PDZD2: variants seen among roughly 807,000 people sequenced by gnomAD.
PDZD2 encodes PDZ domain containing 2, also known as PDZ domain-containing protein 2.
Under a neutral mutation model 220.7 loss-of-function variants are expected in PDZD2, and 90 were observed. The observed-to-expected ratio is 0.41, with a 90% CI of 0.34 to 0.49. The LOEUF is 0.49. Among genes scored for constraint, PDZD2 ranks in the 20% least tolerant of loss-of-function variants. The pLI is 0.28. For synonymous variants in PDZD2, 1,375 were observed against 1,450.5 expected, an observed-to-expected ratio of 0.95 and a Z score of 1.18; for missense variants, 3,174 against 3,608.5, an observed-to-expected ratio of 0.88 and a Z score of 3.08.
intron 1 of PDZD2, among the ~76,000 whole-genome samples, chr5:31,792,606 C>T (rs1003059100): frequency 9.2e-5 from 14 of 151,604 alleles, no homozygotes; most frequent in African/African-American, 2.2e-4. Flanking sequence ...TTAGTGGAGA[C>T]GGGGTTTCAC....
intron 2 of PDZD2, among the ~76,000 whole-genome samples, chr5:31,866,710 C>T (rs540269045): frequency 5.9e-5 from 9 of 152,292 alleles, no homozygotes; most frequent in East Asian, 1.9e-4. Context: ...TGGGACCCAA[C>T]GTTTTGGATT....
rs113949431 is a variant in PDZD2, at chr5:31,681,503, C to T, written c.-361+42066C>T. The stretch of plus-strand genomic sequence containing the variant: ...CCTCAAGTAATCCACCAACCTCGGC[C>T]TCTCAAAGTGCTAGGATTACAGGCG... On this transcript the variant is annotated intron_variant, in intron 1 of 24. Transcript: ENST00000438447. Among the ~76,000 whole-genome samples, 782 of 152,158 alleles carry T rather than the reference C, an allele frequency of 5.1e-3. 7 individuals are homozygous for T. The highest frequency in any genetic ancestry group is 0.018 in the African/African-American group (730 of 41,486).
chr5:32,108,249 A>AATC lies in PDZD2; in HGVS notation c.*115_*117dup, dbSNP rs1348529563. 9.5e-6 allele frequency: 6 copies of AATC among 632,884 alleles called. No individual in the cohort carries two copies. The Admixed American group carries it at 1.3e-4, about 14-fold the overall frequency. 39.2% of individuals were successfully genotyped at this position (632,884 alleles called of 1,614,324 possible). ...CACTGGTACAGACACGGACTATAAA[A>AATC]ATCTCCAAGCTTGTGCTTACACATG... On this transcript the variant is annotated 3_prime_UTR_variant, in exon 25 of 25. Coordinates refer to ENST00000438447, the MANE Select transcript of PDZD2 (RefSeq NM_178140.4).
At chr5:31,935,852 G>T (rs763450059) in intron 2 of PDZD2, among the ~76,000 whole-genome samples, 1 of 152,148 alleles carries the variant, frequency 6.6e-6, no homozygotes, top group Non-Finnish European at 1.5e-5. Context: ...GCTGTGGTCC[G>T]TGGCCAAGTG....
intron 2 of PDZD2, among the ~76,000 whole-genome samples, chr5:31,823,784 A>G (rs761040266): frequency 3.9e-4 from 60 of 152,244 alleles, no homozygotes; most frequent in Admixed American, 7.9e-4. Flanking sequence ...GGAAAAAAGC[A>G]TACACATTTC....
chr5:31,718,694 A>ATTTTTTTT (rs34261021), intron 1 of PDZD2, among the ~76,000 whole-genome samples: 10 of 74,616 alleles, frequency 1.3e-4, no homozygotes, highest in Admixed American at 1.8e-4. Context: ...TAACAGCCTC[A>ATTTTTTTT]TTTTTTTTTT....
At chr5:31,702,139 A>T (rs1446358041) in intron 1 of PDZD2, among the ~76,000 whole-genome samples, 1 of 152,172 alleles carries the variant, frequency 6.6e-6, no homozygotes, top group Non-Finnish European at 1.5e-5. Context: ...TTACTTTCTC[A>T]TGGGCTCATG....
chr5:31,782,800 G>A (rs1229660758), intron 1 of PDZD2, among the ~76,000 whole-genome samples: 1 of 138,392 alleles, frequency 7.2e-6, no homozygotes, highest in African/African-American at 2.8e-5. Flanking sequence ...CACAATCTCT[G>A]CCTCCCAGGT....
chr5:31,860,472 G>A (rs886185714), intron 2 of PDZD2, among the ~76,000 whole-genome samples: 1 of 152,126 alleles, frequency 6.6e-6, no homozygotes, highest in African/African-American at 2.4e-5. Context: ...CCTGTTCTCT[G>A]TATCTTTGAG....
At chr5:32,003,379 A>AC (rs1316188487) in intron 5 of PDZD2, among the ~76,000 whole-genome samples, 24 of 44,472 alleles carry the variant, frequency 5.4e-4, no homozygotes, top group South Asian at 1.1e-3. Flanking sequence ...CACACCACAC[A>AC]CACACCCACA....
chr5:31,777,665 G>A (rs1251337103), intron 1 of PDZD2, among the ~76,000 whole-genome samples: 6 of 152,192 alleles, frequency 3.9e-5, no homozygotes, highest in African/African-American at 1.4e-4. Context: ...TCTAGCTCAG[G>A]GTTTGTGGAT....
chr5:32,098,226 A>G lies in PDZD2; in HGVS notation c.7948-138A>G. On this transcript the variant is annotated intron_variant, in intron 22 of 24. Coordinates refer to ENST00000438447, the MANE Select transcript of PDZD2 (RefSeq NM_178140.4). The surrounding 1 kb of genome is among the most constrained non-coding windows in gnomAD (Gnocchi z 4.1). ...CACTGTACTCCAGCCTGGGTGACACAGCGAGACTCCCTCTCAAAAAATAAA... is the reference window on the plus strand; with the variant it reads ...CACTGTACTCCAGCCTGGGTGACACGGCGAGACTCCCTCTCAAAAAATAAA... The G allele has an allele frequency of 1.2e-6, 1 of 839,766 alleles. No homozygotes were observed. Among genetic ancestry groups the G allele is most frequent in the African/African-American group, 1.7e-5 (1 of 58,212 alleles). The allele number at this position is 839,766 out of a possible 1,614,324, so 52.0% of individuals were successfully genotyped here. A position where few individuals can be genotyped will look rare whatever the true frequency, so the allele number is the denominator to read the frequency against.
At chr5:31,709,751 T>G (rs1748001613) in intron 1 of PDZD2, among the ~76,000 whole-genome samples, 1 of 151,586 alleles carries the variant, frequency 6.6e-6, no homozygotes, top group Non-Finnish European at 1.5e-5. Context: ...AGGCCAGGAG[T>G]TCAAGACCAA....
intron 1 of PDZD2, among the ~76,000 whole-genome samples, chr5:31,698,460 G>A (rs1376653388): frequency 2.8e-4 from 42 of 151,020 alleles, no homozygotes; most frequent in Non-Finnish European, 4.3e-4. Flanking sequence ...TTAGCCAGGC[G>A]TGGTAGCGGG....
intron 2 of PDZD2, among the ~76,000 whole-genome samples, chr5:31,804,220 G>C (rs1754581563): frequency 6.6e-6 from 1 of 152,170 alleles, no homozygotes; most frequent in Non-Finnish European, 1.5e-5. Flanking sequence ...CCAGGTGAAA[G>C]AGGGTGTATC....
chr5:32,000,479 G>GTTTGTT lies in PDZD2; in HGVS notation c.1254+248_1254+253dup, dbSNP rs140415640. On this transcript the variant is annotated intron_variant, in intron 5 of 24. Coordinates refer to ENST00000438447, the MANE Select transcript of PDZD2 (RefSeq NM_178140.4). The surrounding 1 kb of genome is among the most constrained non-coding windows in gnomAD (Gnocchi z 4.5). The stretch of plus-strand genomic sequence containing the variant: ...TTAGTTACTTGGCTTTCCTTAAGAA[G>GTTTGTT]TTTGTTTTTGTTTTTGTTTTTGTTT... 0.044 allele frequency among the ~76,000 whole-genome samples: 6,587 copies of GTTTGTT among 150,294 alleles called. 484 individuals are homozygous for GTTTGTT. The highest frequency in any genetic ancestry group is 0.15 in the African/African-American group (6,154 of 40,688).
At chr5:31,822,458 T>C (rs975322515) in intron 2 of PDZD2, 11 of 389,464 alleles carry the variant, frequency 2.8e-5, no homozygotes, top group East Asian at 1.3e-4. Flanking sequence ...GTTTTTTTTT[T>C]CCCAAATCAA....
At chr5:31,930,479 G>A (rs1450378014) in intron 2 of PDZD2, among the ~76,000 whole-genome samples, 5 of 152,142 alleles carry the variant, frequency 3.3e-5, no homozygotes, top group African/African-American at 4.8e-5. Flanking sequence ...GATTACAGGC[G>A]TGAGCCACCG....
At chr5:32,081,580 T>C (rs1166234949) in intron 19 of PDZD2, among the ~76,000 whole-genome samples, 1 of 152,216 alleles carries the variant, frequency 6.6e-6, no homozygotes, top group Non-Finnish European at 1.5e-5. Flanking sequence ...GGTATTTCTC[T>C]CTCCTTCCCA....
Sources: allele counts gnomAD v4.1 joint callset (sites outside exome capture counted in the v4.1 genomes callset), GRCh38; gene constraint gnomAD v4.1.1; non-coding constraint Gnocchi (gnomAD v3.1); transcripts MANE v1.5; gene names NCBI Gene and HGNC (gene_info 2026-07-23, HGNC 2026-07-21).